ADAMTS18: variants seen among roughly 807,000 people sequenced by gnomAD.
ADAMTS18 encodes the protein A disintegrin and metalloproteinase with thrombospondin motifs 18.
In ADAMTS18, 157 loss-of-function variants were observed where a neutral mutation model predicts 165.9. The observed-to-expected ratio is 0.95, with a 90% confidence interval of 0.83 to 1.08. The LOEUF (loss-of-function observed/expected upper bound fraction) is 1.08. Among genes scored for constraint, ADAMTS18 ranks in the 50% least tolerant of loss-of-function variants. The pLI, the probability that ADAMTS18 is intolerant of heterozygous loss-of-function variation, is 0.00. For missense variants in ADAMTS18, 2,040 were observed against 1,534.0 expected, an observed-to-expected ratio of 1.33 and a Z score of -5.51; for synonymous variants, 782 against 578.2, an observed-to-expected ratio of 1.35 and a Z score of -5.06.
In ADAMTS18 at chr16:77,284,123, CTTTTTT is replaced by C. The variant is rs34369567; in HGVS notation, c.3551-58_3551-53del. On this transcript the variant is annotated intron_variant, in intron 22 of 22. Coordinates refer to ENST00000282849, the MANE Select transcript of ADAMTS18 (RefSeq NM_199355.4). The stretch of plus-strand genomic sequence containing the variant: ...GTTGGCTAGGGTGTCTATCCTTTTT[CTTTTTT>C]TTTTTTTTTGAGATGGAGTCTCACT... 1.3e-5 allele frequency: 12 copies of C among 951,632 alleles called. No homozygotes were observed. In the African/African-American group the frequency reaches 1.6e-4, roughly 12 times the overall value. 58.9% of individuals were successfully genotyped at this position (951,632 alleles called of 1,614,324 possible).
At position 77,434,587 on chromosome 16, in the gene ADAMTS18, T is replaced by G; in HGVS notation, c.90+19A>C. The G allele has an allele frequency of 6.5e-7, 1 of 1,527,638 alleles. No individual in the cohort carries two copies. 94.6% of individuals were successfully genotyped at this position (1,527,638 alleles called of 1,614,324 possible). A position where few individuals can be genotyped will look rare whatever the true frequency, so the allele number is the denominator to read the frequency against. On this transcript the variant is annotated intron_variant, in intron 1 of 22. Coordinates refer to ENST00000282849, the MANE Select transcript of ADAMTS18 (RefSeq NM_199355.4). ...GCCCCCTGCCACCCGCTCTCGGAGC[T>G]CCGCTCGGCGGCACCTGCCTTGGCC...
At chr16:77,421,380 G>T (rs1211690827) in intron 3 of ADAMTS18, among the ~76,000 whole-genome samples, 1 of 152,232 alleles carries the variant, frequency 6.6e-6, no homozygotes, top group Non-Finnish European at 1.5e-5. Context: ...TCCTGGGTTT[G>T]TTCACAGAGA....
chr16:77,385,286 A>C (rs770948543), intron 3 of ADAMTS18, among the ~76,000 whole-genome samples: 2 of 152,210 alleles, frequency 1.3e-5, no homozygotes, highest in Non-Finnish European at 2.9e-5. Flanking sequence ...AATTATCATT[A>C]TCCAAATGTA....
In ADAMTS18 at chr16:77,282,798, A is replaced by T. The variant is rs1188831533; in HGVS notation, c.*1158T>A. 1 of 152,544 alleles carries T rather than the reference A, an allele frequency of 6.6e-6. No homozygotes were observed. The highest frequency in any genetic ancestry group is 2.4e-5 in the African/African-American group (1 of 41,422). The allele number at this position is 152,544 out of a possible 1,614,324, so 9.4% of individuals were successfully genotyped here. A position where few individuals can be genotyped will look rare whatever the true frequency, so the allele number is the denominator to read the frequency against. On this transcript the variant is annotated 3_prime_UTR_variant, in exon 23 of 23. Coordinates refer to ENST00000282849, the MANE Select transcript of ADAMTS18 (RefSeq NM_199355.4). ...CAACAGCTGGCTTCTGATGACTGAA[A>T]ATACTCTTATTCAGTGAGGGTCTTG...
At chr16:77,313,444 A>AAAAAT (rs903020863) in intron 16 of ADAMTS18, among the ~76,000 whole-genome samples, 2 of 149,080 alleles carry the variant, frequency 1.3e-5, no homozygotes. Flanking sequence ...AAAGTATAAT[A>AAAAAT]AAAATAAAAT....
chr16:77,298,297 T>C (rs1171913262), intron 17 of ADAMTS18, among the ~76,000 whole-genome samples: 1 of 152,180 alleles, frequency 6.6e-6, no homozygotes, highest in African/African-American at 2.4e-5. Context: ...GCATATATTT[T>C]TTTAAAAATG....
At chr16:77,295,679 A>G (rs2055456295) in intron 18 of ADAMTS18, among the ~76,000 whole-genome samples, 2 of 152,186 alleles carry the variant, frequency 1.3e-5, no homozygotes, top group Admixed American at 1.3e-4. Flanking sequence ...GGTCTCACAG[A>G]GGATATTTTT....
At chr16:77,355,202 TTG>T (rs141620918) in intron 9 of ADAMTS18, among the ~76,000 whole-genome samples, 2,557 of 146,644 alleles carry the variant, frequency 0.017, 77 homozygotes, top group African/African-American at 0.057. Flanking sequence ...AAAGGTAGGA[TTG>T]TGTGTGTGTG....
chr16:77,361,883 T>C (rs1344695435), intron 7 of ADAMTS18, among the ~76,000 whole-genome samples: 1 of 107,286 alleles, frequency 9.3e-6, no homozygotes, highest in African/African-American at 3.4e-5. Flanking sequence ...AAACTCCATC[T>C]CAAATTAAAA....
chr16:77,343,237 C>G (rs2056426548), intron 10 of ADAMTS18, among the ~76,000 whole-genome samples: 1 of 152,134 alleles, frequency 6.6e-6, no homozygotes, highest in African/African-American at 2.4e-5. Flanking sequence ...CCATGTCCGG[C>G]CACTTTTTGT....
chr16:77,391,096 T>G (rs1399574515), intron 3 of ADAMTS18, among the ~76,000 whole-genome samples: 1 of 152,202 alleles, frequency 6.6e-6, no homozygotes, highest in Non-Finnish European at 1.5e-5. Context: ...AAGCCACTTC[T>G]GAAATCAGGA....
intron 10 of ADAMTS18, among the ~76,000 whole-genome samples, chr16:77,352,965 G>C (rs1365115979): frequency 6.6e-6 from 1 of 151,980 alleles, no homozygotes; most frequent in Non-Finnish European, 1.5e-5. Flanking sequence ...CGAGCATGGT[G>C]GCTACTCAGG....
intron 3 of ADAMTS18, among the ~76,000 whole-genome samples, chr16:77,409,934 CTCAGTATTTGTCTGGGTGGGA>C (rs2057439593): frequency 6.6e-6 from 1 of 152,116 alleles, no homozygotes; most frequent in South Asian, 2.1e-4. Context: ...TACTAGAATT[CTCAGTATTTGTCTGGGTGGGA>C]TCAAATTGAC....
intron 11 of ADAMTS18, among the ~76,000 whole-genome samples, chr16:77,338,371 G>A (rs565336275): frequency 6.6e-6 from 1 of 151,966 alleles, no homozygotes; most frequent in Non-Finnish European, 1.5e-5. Flanking sequence ...GAGTAGCTGG[G>A]ATTACTGGCG....
intron 10 of ADAMTS18, among the ~76,000 whole-genome samples, chr16:77,344,713 G>C (rs2056449837): frequency 6.7e-6 from 1 of 150,266 alleles, no homozygotes. Flanking sequence ...AGAAGGGGCA[G>C]CTGGAGAGAA....
chr16:77,293,458 C>A (rs13330397), intron 19 of ADAMTS18, among the ~76,000 whole-genome samples, 200 bp from the exon 20 acceptor site: 2,784 of 152,016 alleles, frequency 0.018, 88 homozygotes, highest in African/African-American at 0.065. Flanking sequence ...TATTTGAATT[C>A]TTTCTGTAAA....
chr16:77,362,061 T>C (rs1319866595), intron 7 of ADAMTS18, 44 bp downstream of exon 7: 3 of 1,610,138 alleles, frequency 1.9e-6, no homozygotes. Context: ...CCATACTGTG[T>C]TTTCAGCTAA....
intron 3 of ADAMTS18, among the ~76,000 whole-genome samples, chr16:77,427,453 T>C (rs1385225683): frequency 6.6e-6 from 1 of 152,196 alleles, no homozygotes; most frequent in African/African-American, 2.4e-5. Flanking sequence ...GACTTTCTCA[T>C]CACTGTGCTA....
chr16:77,425,911 T>G (rs545679941), intron 3 of ADAMTS18, among the ~76,000 whole-genome samples: 8 of 152,096 alleles, frequency 5.3e-5, no homozygotes, highest in African/African-American at 1.9e-4. Flanking sequence ...CCAGGCGTGG[T>G]GGTGGATGCC....
Sources: gnomAD v4.1 joint callset for allele counts (sites outside exome capture counted in the v4.1 genomes callset) on GRCh38, gnomAD v4.1.1 for gene constraint, MANE v1.5 for transcripts, NCBI Gene and HGNC (gene_info 2026-07-23, HGNC 2026-07-21) for gene names.